Variants in DHRS7 observed in about 807,000 individuals in gnomAD.
The protein encoded by DHRS7 is dehydrogenase/reductase 7.
Under a neutral mutation model 38.9 loss-of-function variants are expected in DHRS7, and 34 were observed. The ratio of observed to expected loss-of-function variants is 0.87; its 90% CI spans 0.66 to 1.16. The LOEUF (loss-of-function observed/expected upper bound fraction) is 1.16, where lower values mean the gene tolerates loss of function less well. Ranked by LOEUF, DHRS7 falls within the 50% of genes most tolerant of loss-of-function variation. The pLI is 0.00. For missense variants in DHRS7, 421 were observed against 407.0 expected (o/e 1.03, Z -0.30); for synonymous variants, 158 against 153.1 (o/e 1.03, Z -0.24).
chr14:60,166,194 A>T, upstream of DHRS7: 1 of 981,170 alleles, frequency 1.0e-6, no homozygotes, highest in Non-Finnish European at 1.2e-6. Context: ...CTTCCCACTA[A>T]ATACCTACAT....
chr14:60,152,606 G>GTCGCCGTATCATT, intron 4 of DHRS7: 2 of 254,400 alleles, frequency 7.9e-6, no homozygotes, highest in South Asian at 6.0e-5. Flanking sequence ...GATTTAGTAG[G>GTCGCCGTATCATT]AATAAGGATA....
rs909067850 is a variant in DHRS7, at chr14:60,149,430, G to A, written c.895C>T (p.Gln299Ter). 3 of 1,614,098 alleles carry A rather than the reference G, an allele frequency of 1.9e-6. No homozygotes were observed. Among genetic ancestry groups the A allele is most frequent in the Admixed American group, 1.7e-5 (1 of 60,010 alleles). ...CACCAGGCCCAGGTTGGCATGTATTGCCACAAATATGTTACTAACAAGAAA... is the reference window on the plus strand; with the variant it reads ...CACCAGGCCCAGGTTGGCATGTATTACCACAAATATGTTACTAACAAGAAA... Reference protein sequence around the residue: ...QPFLLVTYLWQYMPTWAWWIT... With the variant: ...QPFLLVTYLW Residue 299 changes from glutamine to a stop codon, truncating the protein, a stop_gained, in exon 6 of 7, where the codon CAA becomes TAA. Coordinates refer to ENST00000557185, the MANE Select transcript of DHRS7 (RefSeq NM_016029.4). LOFTEE classifies it high-confidence loss of function.
chr14:60,166,087 T>C (rs1333869878), upstream of DHRS7: 2 of 390,692 alleles, frequency 5.1e-6, no homozygotes, highest in Admixed American at 6.4e-5. Flanking sequence ...GAGAATGTAA[T>C]GAAAACACCA....
intron 2 of DHRS7, 41 bp downstream of exon 2, chr14:60,155,959 T>G: frequency 6.9e-7 from 1 of 1,458,288 alleles, no homozygotes; most frequent in East Asian, 2.6e-5. Flanking sequence ...TTGGACTGAT[T>G]TATTTCTAGG....
At chr14:60,163,165 G>C (rs1304113501) in intron 1 of DHRS7, among the ~76,000 whole-genome samples, 1 of 149,672 alleles carries the variant, frequency 6.7e-6, no homozygotes, top group African/African-American at 2.5e-5. Flanking sequence ...GCGAGACTCT[G>C]TCTCAAAAAA....
At chr14:60,165,975 T>C (rs1406796402), upstream of DHRS7, among the ~76,000 whole-genome samples, 5 of 152,200 alleles carry the variant, frequency 3.3e-5, no homozygotes, top group Admixed American at 2.0e-4. This position sits in a 1 kb window ranked among gnomAD's most constrained non-coding sequence, Gnocchi z 4.6. Flanking sequence ...ACACACAAAT[T>C]TACTCTGGTG....
upstream of DHRS7, chr14:60,168,831 C>T (rs1028719965): frequency 1.2e-4 from 173 of 1,467,410 alleles, no homozygotes; most frequent in Non-Finnish European, 1.5e-4. Context: ...CATAATTTCA[C>T]TCTTCATAAA....
At chr14:60,166,575 A>T (rs573966189), upstream of DHRS7, among the ~76,000 whole-genome samples, 1 of 152,288 alleles carries the variant, frequency 6.6e-6, no homozygotes, top group East Asian at 1.9e-4. Flanking sequence ...TGTTACTTGC[A>T]GTAATCAAAT....
At position 60,153,282 on chromosome 14, in the gene DHRS7, TG is replaced by T; in HGVS notation, c.394-105del. 2 of 1,278,618 alleles carry T rather than the reference TG, an allele frequency of 1.6e-6. No individual in the cohort carries two copies. Among genetic ancestry groups the T allele is most frequent in the Non-Finnish European group, 2.2e-6 (2 of 923,120 alleles). 79.2% of individuals were successfully genotyped at this position (1,278,618 alleles called of 1,614,324 possible). ...TTATTTTGTTAACTTAAAGAATCAA[TG>T]GAACAATGGTATATTTCCAGAAGTC... On this transcript the variant is annotated intron_variant, in intron 3 of 6. Transcript: ENST00000557185. This position sits in a 1 kb window ranked among gnomAD's most constrained non-coding sequence, Gnocchi z 4.4.
chr14:60,153,122 G>A lies in DHRS7; in HGVS notation c.450C>T (p.Thr150=). 2.5e-6 allele frequency: 4 copies of A among 1,614,106 alleles called. No individual in the cohort carries two copies. Among genetic ancestry groups the A allele is most frequent in the Non-Finnish European group, 3.4e-6 (4 of 1,180,002 alleles). Residue 150 remains threonine, a synonymous_variant, in exon 4 of 7, where the codon ACC becomes ACT. Transcript: ENST00000557185. The surrounding 1 kb of genome is among the most constrained non-coding windows in gnomAD (Gnocchi z 4.4). ...GMSQRSLCMD[T]SLDVYRKLIE... ...TTAGCTTTCTGTAGACATCCAAGCT[G>A]GTATCCATGCACAGAGAACGCTGGG...
intron 4 of DHRS7, 85 bp from the exon 5 acceptor site, chr14:60,150,272 G>A (rs1566530622): frequency 7.7e-7 from 1 of 1,297,210 alleles, no homozygotes; most frequent in East Asian, 2.5e-5. Context: ...GTTCTAAAAT[G>A]TGTGAGTAAA....
chr14:60,147,952 C>T (rs1896449424), intron 6 of DHRS7: 1 of 152,232 alleles, frequency 6.6e-6, no homozygotes, highest in Non-Finnish European at 1.5e-5. Context: ...TGAAACTCTA[C>T]CTTTAGAGCT....
upstream of DHRS7, chr14:60,168,998 A>C (rs1182517965): frequency 8.8e-6 from 3 of 339,854 alleles, no homozygotes; most frequent in Non-Finnish European, 1.6e-5. Context: ...CCGAGGCTGA[A>C]GTGGGAGGAT....
At chr14:60,150,287 A>T (rs111360793) in intron 4 of DHRS7, 100 bp from the exon 5 acceptor site, 6 of 1,154,478 alleles carry the variant, frequency 5.2e-6, no homozygotes, top group African/African-American at 4.9e-5. Context: ...AGTAAAGGAC[A>T]GGTAGTGTAA....
upstream of DHRS7, chr14:60,168,571 A>G (rs1896894698): frequency 1.6e-6 from 2 of 1,228,424 alleles, no homozygotes; most frequent in African/African-American, 3.1e-5. Flanking sequence ...ATCTATAATC[A>G]TTTTAAAGTA....
At chr14:60,151,978 G>T (rs1289813314) in intron 4 of DHRS7, among the ~76,000 whole-genome samples, 1 of 152,194 alleles carries the variant, frequency 6.6e-6, no homozygotes. Flanking sequence ...TCCACAGGAA[G>T]TGACTGATGC....
At position 60,145,376 on chromosome 14, in the gene DHRS7, T is replaced by A. The variant is rs994012388; in HGVS notation, c.973-363A>T. Reference sequence around the variant, plus strand: ...ATGTAGAATTGAGATATATGGAAGATAACTCTTTAAAATTATTTGTGGCCA... The same window carrying A: ...ATGTAGAATTGAGATATATGGAAGAAAACTCTTTAAAATTATTTGTGGCCA... On this transcript the variant is annotated intron_variant, in intron 6 of 6. Transcript: ENST00000557185. This position sits in a 1 kb window ranked among gnomAD's most constrained non-coding sequence, Gnocchi z 4.0. The A allele has an allele frequency of 1.9e-5, 3 of 157,792 alleles. No homozygotes were observed. Among genetic ancestry groups the A allele is most frequent in the African/African-American group, 7.2e-5 (3 of 41,652 alleles). 9.8% of individuals were successfully genotyped at this position (157,792 alleles called of 1,614,324 possible). A position where few individuals can be genotyped will look rare whatever the true frequency, so the allele number is the denominator to read the frequency against.
At chr14:60,155,479 A>G (rs1358749804) in intron 2 of DHRS7, among the ~76,000 whole-genome samples, 1 of 152,192 alleles carries the variant, frequency 6.6e-6, no homozygotes, top group Admixed American at 6.5e-5. Context: ...AACTACACCA[A>G]AATTCAAACA....
upstream of DHRS7, chr14:60,166,370 G>A (rs1896867277): frequency 5.0e-6 from 3 of 604,308 alleles, no homozygotes; most frequent in South Asian, 7.2e-5. Flanking sequence ...CGTTGATGCA[G>A]TAGAACTTTC....
Sources: allele counts gnomAD v4.1 joint callset (sites outside exome capture counted in the v4.1 genomes callset), GRCh38; gene constraint gnomAD v4.1.1; non-coding constraint Gnocchi (gnomAD v3.1); transcripts MANE v1.5; gene names NCBI Gene and HGNC (gene_info 2026-07-23, HGNC 2026-07-21).